RBFOX3: variants seen among roughly 807,000 people sequenced by gnomAD.
The protein encoded by RBFOX3 is RNA binding protein fox-1 homolog 3.
A neutral mutation model predicts 48.7 loss-of-function variants in RBFOX3; 17 were observed. That is an observed-to-expected ratio of 0.35 (90% confidence interval 0.24 to 0.52). The LOEUF (loss-of-function observed/expected upper bound fraction) is 0.52. RBFOX3 is among the 20% of genes least tolerant of loss of function. The pLI is 0.94. For missense variants in RBFOX3, 382 were observed against 497.5 expected (o/e 0.77, Z 2.21); for synonymous variants, 212 against 209.5 (o/e 1.01, Z -0.10).
chr17:79,463,045 T>TGCCACCTCCACCGCCATC, intron 2 of RBFOX3, among the ~76,000 whole-genome samples: 1 of 109,854 alleles, frequency 9.1e-6, no homozygotes, highest in South Asian at 3.2e-4. Flanking sequence ...CCATCGCCAC[T>TGCCACCTCCACCGCCATC]GCCACCTCCA....
At chr17:79,441,550 T>C (rs543998570) in intron 2 of RBFOX3, among the ~76,000 whole-genome samples, 52 of 152,236 alleles carry the variant, frequency 3.4e-4, no homozygotes, top group African/African-American at 1.2e-3. Flanking sequence ...AGCCCCCAGA[T>C]CTGGGAGAGA....
At chr17:79,213,379 A>G (rs1294505600) in intron 4 of RBFOX3, among the ~76,000 whole-genome samples, 1 of 152,194 alleles carries the variant, frequency 6.6e-6, no homozygotes, top group Non-Finnish European at 1.5e-5. Context: ...TGTCTTCACC[A>G]GCAGTCCAGG....
intron 2 of RBFOX3, among the ~76,000 whole-genome samples, chr17:79,466,076 T>G (rs1461097489): frequency 6.6e-6 from 1 of 152,164 alleles, no homozygotes; most frequent in Admixed American, 6.5e-5. Flanking sequence ...AGTGCATGTG[T>G]GGAGACACCT....
chr17:79,151,000 C>G (rs541277629), intron 4 of RBFOX3, among the ~76,000 whole-genome samples: 1 of 152,340 alleles, frequency 6.6e-6, no homozygotes, highest in East Asian at 1.9e-4. Flanking sequence ...TGCTGTGCGG[C>G]TCTCACCAGG....
chr17:79,553,987 G>A (rs1229846295), intron 1 of RBFOX3, among the ~76,000 whole-genome samples: 2 of 152,158 alleles, frequency 1.3e-5, no homozygotes, highest in Admixed American at 6.5e-5. Flanking sequence ...ACCCGCCTCG[G>A]CCTCCCAAAA....
At chr17:79,253,547 A>C (rs2064308134) in intron 3 of RBFOX3, among the ~76,000 whole-genome samples, 1 of 152,146 alleles carries the variant, frequency 6.6e-6, no homozygotes, top group South Asian at 2.1e-4. Flanking sequence ...TTTTTAAATC[A>C]CAAAGGAAGA....
At chr17:79,654,100 A>T in the RBFOX3 span, among the ~76,000 whole-genome samples, 3 of 152,256 alleles carry the variant, frequency 2.0e-5, no homozygotes, top group African/African-American at 7.2e-5. Context: ...AAACAAGGGC[A>T]TGAAAGAAAG....
chr17:79,147,071 C>T (rs780286149), intron 4 of RBFOX3, among the ~76,000 whole-genome samples: 2 of 152,216 alleles, frequency 1.3e-5, no homozygotes, highest in Non-Finnish European at 2.9e-5. Context: ...CCGGGGTCAG[C>T]CCCCGGTGCC....
intron 4 of RBFOX3, among the ~76,000 whole-genome samples, chr17:79,150,400 C>G (rs955795747): frequency 2.0e-5 from 3 of 152,096 alleles, no homozygotes; most frequent in Non-Finnish European, 4.4e-5. Context: ...GCGGCCAACC[C>G]CCTAACTCAG....
intron 2 of RBFOX3, among the ~76,000 whole-genome samples, chr17:79,475,893 C>G (rs2077670839): frequency 6.6e-6 from 1 of 152,212 alleles, no homozygotes; most frequent in Admixed American, 6.5e-5. Context: ...CCCCGCTGCC[C>G]TCCTGATTTT....
the RBFOX3 span, among the ~76,000 whole-genome samples, chr17:79,618,622 G>C: frequency 1.3e-5 from 2 of 152,174 alleles, no homozygotes; most frequent in East Asian, 1.9e-4. Flanking sequence ...ATAAGCCGGC[G>C]GAGTGCACAT....
At chr17:79,399,796 G>C (rs1006816996) in intron 2 of RBFOX3, among the ~76,000 whole-genome samples, 2 of 152,200 alleles carry the variant, frequency 1.3e-5, no homozygotes, top group African/African-American at 4.8e-5. Flanking sequence ...ACAGACCCTC[G>C]GGCGCTCCCG....
chr17:79,109,377 G>A (rs999162826), intron 5 of RBFOX3, among the ~76,000 whole-genome samples: 8 of 152,132 alleles, frequency 5.3e-5, no homozygotes, highest in African/African-American at 1.5e-4. Flanking sequence ...CCCCAGTGAC[G>A]GGCAATGCAG....
Position 79,254,726 on chromosome 17 carries a change from G to A in RBFOX3, c.-73-18921C>T, listed in dbSNP as rs1169498943. On this transcript the variant is annotated intron_variant, in intron 3 of 14. Coordinates refer to ENST00000693108, the MANE Select transcript of RBFOX3 (RefSeq NM_001350451.2). This position sits in a 1 kb window ranked among gnomAD's most constrained non-coding sequence, Gnocchi z 4.8. ...GTCCAGGCTGTGAAAAACCCGCCCTGCCTGAGTGGGTGCCTTACCTGGACA... is the reference window on the plus strand; with the variant it reads ...GTCCAGGCTGTGAAAAACCCGCCCTACCTGAGTGGGTGCCTTACCTGGACA... Among the ~76,000 whole-genome samples, 2 of 152,204 alleles carry A rather than the reference G, an allele frequency of 1.3e-5. No individual in the cohort carries two copies. The highest frequency in any genetic ancestry group is 3.9e-4 in the East Asian group (2 of 5,186).
chr17:79,455,055 A>G (rs936387672), intron 2 of RBFOX3, among the ~76,000 whole-genome samples: 2 of 151,484 alleles, frequency 1.3e-5, no homozygotes, highest in African/African-American at 4.8e-5. Context: ...GCCCACAGCA[A>G]CCCCTCCATG....
chr17:79,546,003 C>T (rs1599110800), intron 1 of RBFOX3, among the ~76,000 whole-genome samples: 1 of 152,270 alleles, frequency 6.6e-6, no homozygotes. Flanking sequence ...TACTACTGCA[C>T]AAGCCATCAT....
chr17:79,480,192 G>A lies in RBFOX3; in HGVS notation c.-175+2262C>T, dbSNP rs1475825104. Among the ~76,000 whole-genome samples, 1 of 152,176 alleles carries A rather than the reference G, an allele frequency of 6.6e-6. No homozygotes were observed. Among genetic ancestry groups the A allele is most frequent in the Admixed American group, 6.5e-5 (1 of 15,286 alleles). On this transcript the variant is annotated intron_variant, in intron 2 of 14. Coordinates refer to ENST00000693108, the MANE Select transcript of RBFOX3 (RefSeq NM_001350451.2). This position sits in a 1 kb window ranked among gnomAD's most constrained non-coding sequence, Gnocchi z 4.8. ...CTCTGTCCCATACAGGCTGGGGTGTGTGGCCTTCCTATCTGGGCTCCCCGA... is the reference window on the plus strand; with the variant it reads ...CTCTGTCCCATACAGGCTGGGGTGTATGGCCTTCCTATCTGGGCTCCCCGA...
chr17:79,330,827 C>G lies in RBFOX3; in HGVS notation c.-174-23003G>C, dbSNP rs529937240. On this transcript the variant is annotated intron_variant, in intron 2 of 14. Coordinates refer to ENST00000693108, the MANE Select transcript of RBFOX3 (RefSeq NM_001350451.2). ...AGGATGGACCCTCCCTTCGGAGAAG[C>G]CTTCCCTGACTCTGTGGCCAACAGG... is the stretch of plus-strand genomic sequence containing the variant. 5.9e-5 allele frequency among the ~76,000 whole-genome samples: 9 copies of G among 152,334 alleles called. No homozygotes were observed. The East Asian group carries it at 1.7e-3, about 29-fold the overall frequency.
intron 4 of RBFOX3, among the ~76,000 whole-genome samples, chr17:79,162,659 G>A (rs141272273): frequency 1.4e-4 from 21 of 152,338 alleles, no homozygotes; most frequent in African/African-American, 4.8e-4. Context: ...GGAAGGAGCT[G>A]TGGAAAATTG....
Sources: gnomAD v4.1 joint callset for allele counts (sites outside exome capture counted in the v4.1 genomes callset) on GRCh38, gnomAD v4.1.1 for gene constraint, Gnocchi (gnomAD v3.1) non-coding constraint, MANE v1.5 for transcripts, NCBI Gene and HGNC (gene_info 2026-07-23, HGNC 2026-07-21) for gene names.